Variants in ZFPM2 observed in about 807,000 individuals in gnomAD.
ZFPM2 encodes the protein zinc finger protein ZFPM2.
A neutral mutation model predicts 98.6 loss-of-function variants in ZFPM2; 20 were observed. The observed-to-expected ratio is 0.20, with a 90% CI of 0.14 to 0.29. The LOEUF (loss-of-function observed/expected upper bound fraction) is 0.29. Among genes scored for constraint, ZFPM2 ranks in the 10% least tolerant of loss-of-function variants. The probability of loss-of-function intolerance (pLI) is 1.00; values close to 1 mark genes in which losing one functional copy is unlikely to be tolerated. For synonymous variants in ZFPM2, 518 were observed against 502.7 expected (o/e 1.03, Z -0.41); for missense variants, 1,310 against 1,388.6 (o/e 0.94, Z 0.90).
intron 3 of ZFPM2, among the ~76,000 whole-genome samples, chr8:105,543,163 A>C (rs1814616528): frequency 6.6e-6 from 1 of 152,190 alleles, no homozygotes; most frequent in Admixed American, 6.5e-5. Flanking sequence ...AGTCGTCTGA[A>C]GAATTTACCT....
At chr8:105,670,495 C>CA (rs1160128174) in intron 5 of ZFPM2, among the ~76,000 whole-genome samples, 18,153 of 47,692 alleles carry the variant, frequency 0.38, 3,931 homozygotes, top group African/African-American at 0.51. Context: ...GAGTCCATCT[C>CA]AAAAAAAAAA....
intron 3 of ZFPM2, among the ~76,000 whole-genome samples, chr8:105,460,409 T>C (rs1180642202): frequency 1.3e-5 from 2 of 152,176 alleles, no homozygotes; most frequent in African/African-American, 4.8e-5. Context: ...GGCATCTCTT[T>C]TGCTCTGAAA....
intron 1 of ZFPM2, among the ~76,000 whole-genome samples, chr8:105,322,939 AT>A (rs1166441389): frequency 6.6e-6 from 1 of 152,000 alleles, no homozygotes; most frequent in African/African-American, 2.4e-5. Context: ...GTTCTATGCT[AT>A]TTTTATAAAG....
intron 3 of ZFPM2, among the ~76,000 whole-genome samples, chr8:105,482,537 T>C (rs565949641): frequency 6.6e-6 from 1 of 152,282 alleles, no homozygotes; most frequent in East Asian, 1.9e-4. Flanking sequence ...ATGTCAACTT[T>C]TAAAAAATGT....
intron 3 of ZFPM2, among the ~76,000 whole-genome samples, chr8:105,479,672 C>T (rs1333497773): frequency 6.6e-6 from 1 of 152,154 alleles, no homozygotes; most frequent in Admixed American, 6.5e-5. Context: ...ATTTTTGCAG[C>T]TCATTGGCTT....
rs1211042888 is a variant in ZFPM2 at position 105,803,083 on chromosome 8, A to G, written c.3001A>G (p.Asn1001Asp). ...DYISGSLVIH[N>D]TDIEQSRNAE... ...TATTTCTGGTTCTCTTGTCATCCAT[A>G]ACACTGACATCGAGCAAAGCAGAAA... Residue 1001 changes from asparagine to aspartate, a missense_variant, in exon 8 of 8, where the codon AAC becomes GAC. Asn to Asp is a conservative substitution (Grantham distance 23). Coordinates refer to ENST00000407775, the MANE Select transcript of ZFPM2 (RefSeq NM_012082.4). The G allele has an allele frequency of 6.2e-7, 1 of 1,613,928 alleles. No homozygotes were observed. Among genetic ancestry groups the G allele is most frequent in the Non-Finnish European group, 8.5e-7 (1 of 1,179,852 alleles).
intron 5 of ZFPM2, among the ~76,000 whole-genome samples, chr8:105,760,709 G>C (rs1586244844): frequency 6.6e-6 from 1 of 151,994 alleles, no homozygotes; most frequent in African/African-American, 2.4e-5. Flanking sequence ...TTTGAAAAAG[G>C]AATAAGCCCA....
At chr8:105,595,479 G>C (rs1406216991) in intron 4 of ZFPM2, among the ~76,000 whole-genome samples, 1 of 152,074 alleles carries the variant, frequency 6.6e-6, no homozygotes, top group Non-Finnish European at 1.5e-5. Context: ...CCCACAGAAG[G>C]CTTCCAGAAG....
At chr8:105,794,534 G>A (rs1040099395) in intron 6 of ZFPM2, among the ~76,000 whole-genome samples, 2 of 152,202 alleles carry the variant, frequency 1.3e-5, no homozygotes, top group African/African-American at 4.8e-5. Context: ...CAGGGGTCAG[G>A]GACCCACTTG....
At chr8:105,666,082 A>G (rs1817483076) in intron 5 of ZFPM2, among the ~76,000 whole-genome samples, 1 of 152,174 alleles carries the variant, frequency 6.6e-6, no homozygotes, top group South Asian at 2.1e-4. Context: ...TATTTGAATC[A>G]TCAATCTTTG....
intron 2 of ZFPM2, among the ~76,000 whole-genome samples, chr8:105,433,348 T>A (rs1358344272): frequency 6.6e-6 from 1 of 152,216 alleles, no homozygotes; most frequent in Non-Finnish European, 1.5e-5. Flanking sequence ...CTGTGTTCAA[T>A]AATTCAATGT....
chr8:105,490,141 G>T (rs1813329679), intron 3 of ZFPM2, among the ~76,000 whole-genome samples: 1 of 152,012 alleles, frequency 6.6e-6, no homozygotes, highest in Non-Finnish European at 1.5e-5. Context: ...CAGCTACTCA[G>T]GAGGCTGAGG....
chr8:105,578,539 A>G (rs1815518337), intron 4 of ZFPM2, among the ~76,000 whole-genome samples: 1 of 152,124 alleles, frequency 6.6e-6, no homozygotes, highest in East Asian at 1.9e-4. Context: ...CATTCTGCAG[A>G]TGTGATTCAT....
chr8:105,596,581 A>C (rs1387893698), intron 4 of ZFPM2, among the ~76,000 whole-genome samples: 1 of 151,860 alleles, frequency 6.6e-6, no homozygotes, highest in African/African-American at 2.4e-5. Flanking sequence ...TTCTTAGTCA[A>C]ATTTGGGATC....
At chr8:105,569,181 A>G (rs963341610) in intron 4 of ZFPM2, among the ~76,000 whole-genome samples, 3 of 152,148 alleles carry the variant, frequency 2.0e-5, no homozygotes, top group African/African-American at 7.2e-5. Context: ...TTGCTTGTCT[A>G]TCTCCCCTGC....
intron 3 of ZFPM2, among the ~76,000 whole-genome samples, chr8:105,489,466 A>ATATATATATATATATATATATATTT (rs1554610604): frequency 1.5e-4 from 18 of 119,772 alleles, no homozygotes; most frequent in African/African-American, 6.2e-4. Flanking sequence ...ATATATATAT[A>ATATATATATATATATATATATATTT]TTTTTTTTTT....
At chr8:105,441,124 C>A (rs768175487) in intron 2 of ZFPM2, among the ~76,000 whole-genome samples, 8 of 152,050 alleles carry the variant, frequency 5.3e-5, no homozygotes, top group Non-Finnish European at 8.8e-5. Flanking sequence ...CACTGCACTC[C>A]AGCCTGGGTG....
chr8:105,557,123 C>T (rs1815013661), intron 3 of ZFPM2, among the ~76,000 whole-genome samples: 1 of 152,102 alleles, frequency 6.6e-6, no homozygotes, highest in Admixed American at 6.6e-5. Flanking sequence ...GGTACTATAT[C>T]CAATTTCTTT....
At chr8:105,799,034 TC>T in intron 7 of ZFPM2, 86 bp downstream of exon 7, 1 of 1,189,358 alleles carries the variant, frequency 8.4e-7, no homozygotes, top group African/African-American at 1.5e-5. Flanking sequence ...TACGTCTATA[TC>T]TGTCTATCTG....
Sources: allele counts gnomAD v4.1 joint callset (sites outside exome capture counted in the v4.1 genomes callset), GRCh38; gene constraint gnomAD v4.1.1; transcripts MANE v1.5; gene names NCBI Gene and HGNC (gene_info 2026-07-23, HGNC 2026-07-21).